The following ADGRE2 variants were observed in gnomAD, a reference collection of about 807,000 sequenced individuals.
ADGRE2 encodes the protein CD97 antigen.
A neutral mutation model predicts 100.8 loss-of-function variants in ADGRE2; 83 were observed. The observed-to-expected ratio is 0.82, with a 90% CI of 0.69 to 0.99. ADGRE2 has a LOEUF of 0.99. Ranked by LOEUF, ADGRE2 falls within the 50% of genes least tolerant of loss-of-function variation. The pLI, the probability that ADGRE2 is intolerant of heterozygous loss-of-function variation, is 0.00. For synonymous variants in ADGRE2, 355 were observed against 413.0 expected (o/e 0.86, Z 1.70); for missense variants, 814 against 1,035.7 (o/e 0.79, Z 2.94).
intron 17 of ADGRE2, 126 bp downstream of exon 17, chr19:14,746,770 C>T (rs927592933): frequency 1.3e-6 from 1 of 795,776 alleles, no homozygotes; most frequent in Non-Finnish European, 2.1e-6. Flanking sequence ...CAAGAGTGGT[C>T]TTAGGAAACC....
At chr19:14,763,300 G>A (rs902488890) in intron 11 of ADGRE2, among the ~76,000 whole-genome samples, 5 of 151,928 alleles carry the variant, frequency 3.3e-5, no homozygotes, top group African/African-American at 9.7e-5. Flanking sequence ...CCGAGATCAC[G>A]TCACTGCTCT....
intron 11 of ADGRE2, among the ~76,000 whole-genome samples, chr19:14,758,897 A>AAAAAAAAAAG (rs2043598360): frequency 2.7e-5 from 4 of 149,106 alleles, no homozygotes; most frequent in African/African-American, 2.5e-5. Flanking sequence ...AAAAAAAAAA[A>AAAAAAAAAAG]GGAAAAAGAG....
chr19:14,746,373 C>CTG, intron 17 of ADGRE2, 50 bp from the exon 18 acceptor site: 1 of 940,996 alleles, frequency 1.1e-6, no homozygotes, highest in Non-Finnish European at 1.6e-6. Flanking sequence ...AACCTGTTAT[C>CTG]TCTTTTTTTT....
chr19:14,745,023 G>C (rs775299946), intron 18 of ADGRE2, among the ~76,000 whole-genome samples: 1 of 151,818 alleles, frequency 6.6e-6, no homozygotes, highest in Non-Finnish European at 1.5e-5. Flanking sequence ...TGGAGTAGCT[G>C]GGATTACAGG....
chr19:14,736,601 T>C (rs1308585089), intron 20 of ADGRE2, among the ~76,000 whole-genome samples: 1 of 148,392 alleles, frequency 6.7e-6, no homozygotes, highest in African/African-American at 2.5e-5. Context: ...GAAACATAGA[T>C]ATATTTAGAA....
At chr19:14,773,098 A>AAAAAAAAAAG (rs1568627146) in intron 4 of ADGRE2, among the ~76,000 whole-genome samples, 1 of 84,128 alleles carries the variant, frequency 1.2e-5, no homozygotes, top group African/African-American at 4.7e-5. Context: ...AAAAAAAAAA[A>AAAAAAAAAAG]CAAAAAAAAA....
chr19:14,770,650 CT>C (rs1028806638), intron 5 of ADGRE2, among the ~76,000 whole-genome samples: 1 of 112,246 alleles, frequency 8.9e-6, no homozygotes, highest in Admixed American at 8.8e-5. Context: ...TTCTCTTTTT[CT>C]TTTTGTTTCT....
chr19:14,743,424 C>A lies in ADGRE2; in HGVS notation c.2459G>T (p.Ser820Ile). The A allele has an allele frequency of 1.2e-6, 2 of 1,613,798 alleles. No homozygotes were observed. Among genetic ancestry groups the A allele is most frequent in the Non-Finnish European group, 1.7e-6 (2 of 1,179,710 alleles). ...SSAKADTSKP[S>I]TVN is the part of the protein sequence containing the mutation. Reference sequence around the variant, plus strand: ...TGGAGCAATGCGTGATCTTACCGTGCTGGGTTTGGAGGTGTCAGCCTTAGC... The same window carrying A: ...TGGAGCAATGCGTGATCTTACCGTGATGGGTTTGGAGGTGTCAGCCTTAGC... The change falls in exon 20 of 21, where the codon AGC becomes ATC. Residue 820 changes from serine (S) to isoleucine (I), a missense_variant. Ser to Ile is a moderately radical substitution (Grantham distance 142). This residue lies in a region of ADGRE2 where 569 missense variants were observed against 692.7 expected (regional missense o/e 0.82). Coordinates refer to ENST00000315576, the MANE Select transcript of ADGRE2 (RefSeq NM_013447.4).
rs765059458 is a variant in ADGRE2, at chr19:14,751,570, G to A, written c.1890C>T (p.Asn630=). 6.2e-6 allele frequency: 10 copies of A among 1,614,006 alleles called. No homozygotes were observed. Among genetic ancestry groups the A allele is most frequent in the Non-Finnish European group, 8.5e-6 (10 of 1,180,024 alleles). Residue 630 remains asparagine, a synonymous_variant, in exon 16 of 21, where the codon AAC becomes AAT. Transcript: ENST00000315576. The part of the protein sequence containing the change: ...EALYLFLTAR[N]LTVVNYSSIN... ...TGCTTGAGTAGTTGACCACCGTCAG[G>A]TTCCGTGCAGTGAGGAAGAGGTACA...
At chr19:14,747,076 A>C in intron 16 of ADGRE2, 114 bp from the exon 17 acceptor site, 1 of 908,214 alleles carries the variant, frequency 1.1e-6, no homozygotes, top group Non-Finnish European at 1.7e-6. Flanking sequence ...CGTCAACAAT[A>C]TTAAGTGTTT....
At position 14,772,436 on chromosome 19, in the gene ADGRE2, G is replaced by C. The variant is rs2147529136; in HGVS notation, c.261C>G (p.Asn87Lys). The C allele has an allele frequency of 6.2e-7, 1 of 1,614,034 alleles. No individual in the cohort carries two copies. Among genetic ancestry groups the C allele is most frequent in the Admixed American group, 1.7e-5 (1 of 59,982 alleles). Residue 87 changes from asparagine to lysine, a missense_variant, in exon 5 of 21, where the codon AAC becomes AAG. Coordinates refer to ENST00000315576, the MANE Select transcript of ADGRE2 (RefSeq NM_013447.4). Reference sequence around the variant, plus strand: ...ACACGCAGTCGTAGCTCCCCTCTGTGTTCCAGCAGTCCGAGAATTTTCCGC... The same window carrying C: ...ACACGCAGTCGTAGCTCCCCTCTGTCTTCCAGCAGTCCGAGAATTTTCCGC... Reference protein sequence around the residue: ...VSCGKFSDCWNTEGSYDCVCS... With the variant: ...VSCGKFSDCWKTEGSYDCVCS...
chr19:14,759,230 A>G (rs1252813627), intron 11 of ADGRE2, among the ~76,000 whole-genome samples: 1 of 151,982 alleles, frequency 6.6e-6, no homozygotes. Context: ...ACCTTTTCCT[A>G]TTGGCACAGC....
intron 20 of ADGRE2, among the ~76,000 whole-genome samples, chr19:14,736,801 AAT>A (rs1207425860): frequency 9.7e-6 from 1 of 102,866 alleles, no homozygotes; most frequent in African/African-American, 4.3e-5. Flanking sequence ...GATATTTAGA[AAT>A]ATATAGATAT....
Position 14,755,868 on chromosome 19 carries a change from A to C in ADGRE2, c.1202T>G (p.Val401Gly). 6.2e-7 allele frequency: 1 copy of C among 1,613,880 alleles called. No individual in the cohort carries two copies. The highest frequency in any genetic ancestry group is 8.5e-7 in the Non-Finnish European group (1 of 1,179,934). The change falls in exon 13 of 21, where the codon GTG becomes GGG. Residue 401 changes from valine to glycine, a missense_variant. Val to Gly is a moderately radical substitution (Grantham distance 109). Transcript: ENST00000315576. ...CCCTGGAATGGAGACAAGGCCCACC[A>C]CAGAAGGGCCTGCAGGGCGAGGCCA... is the stretch of plus-strand genomic sequence containing the variant. ...AQKSGDPGPSVVGLVSIPGMG... is the reference protein window; with the variant it reads ...AQKSGDPGPSGVGLVSIPGMG...
intron 11 of ADGRE2, among the ~76,000 whole-genome samples, 195 bp from the exon 12 acceptor site, chr19:14,756,540 C>T (rs2043508146): frequency 6.6e-6 from 1 of 152,120 alleles, no homozygotes; most frequent in Non-Finnish European, 1.5e-5. Context: ...CCTAGTGACA[C>T]ACAAACCACT....
At chr19:14,776,470 C>T (rs1444033412) in intron 2 of ADGRE2, 5 of 528,860 alleles carry the variant, frequency 9.5e-6, no homozygotes, top group African/African-American at 7.7e-5. Context: ...AAACTGGCTC[C>T]AGTAGAAAGC....
intron 5 of ADGRE2, among the ~76,000 whole-genome samples, chr19:14,771,474 C>T (rs1416615180): frequency 1.3e-5 from 2 of 152,100 alleles, no homozygotes; most frequent in East Asian, 3.8e-4. Context: ...GGCCTGGCTT[C>T]TCATGGGCTG....
chr19:14,742,434 G>A (rs1325937185), intron 20 of ADGRE2, among the ~76,000 whole-genome samples: 2 of 152,080 alleles, frequency 1.3e-5, no homozygotes, highest in Non-Finnish European at 2.9e-5. Context: ...GTGTCACTGG[G>A]TTGCTCAGGC....
Position 14,743,468 on chromosome 19 carries a change from C to A in ADGRE2, c.2415G>T (p.Met805Ile). ...CCTTAGCACTGCTGGAGAGTGTGTGCATCTCAGACTCAGTTTTCAATTTCC... is the reference window on the plus strand; with the variant it reads ...CCTTAGCACTGCTGGAGAGTGTGTGAATCTCAGACTCAGTTTTCAATTTCC... Reference protein sequence around the residue: ...GIRKLKTESEMHTLSSSAKAD... With the variant: ...GIRKLKTESEIHTLSSSAKAD... The change falls in exon 20 of 21, where the codon ATG becomes ATT. Residue 805 changes from methionine to isoleucine, a missense_variant. Coordinates refer to ENST00000315576, the MANE Select transcript of ADGRE2 (RefSeq NM_013447.4). The A allele has an allele frequency of 1.2e-6, 2 of 1,614,104 alleles. No individual in the cohort carries two copies. Among genetic ancestry groups the A allele is most frequent in the Non-Finnish European group, 1.7e-6 (2 of 1,180,002 alleles).
Sources: gnomAD v4.1 joint callset for allele counts (sites outside exome capture counted in the v4.1 genomes callset) on GRCh38, gnomAD v4.1.1 for gene constraint, gnomAD v4.1.1 regional missense constraint, MANE v1.5 for transcripts, NCBI Gene and HGNC (gene_info 2026-07-23, HGNC 2026-07-21) for gene names.